Variants in IL1RL2 observed in about 807,000 individuals in gnomAD.
IL1RL2 encodes interleukin-1 receptor-like 2.
Under a neutral mutation model 66.8 loss-of-function variants are expected in IL1RL2, and 68 were observed. The ratio of observed to expected loss-of-function variants is 1.02; its 90% confidence interval spans 0.84 to 1.25. The LOEUF is 1.25. IL1RL2 is among the 50% of genes most tolerant of loss of function. IL1RL2 has a pLI of 0.00. For synonymous variants in IL1RL2, 305 were observed against 264.6 expected, an observed-to-expected ratio of 1.15 and a Z score of -1.48; for missense variants, 729 against 709.3, an observed-to-expected ratio of 1.03 and a Z score of -0.32.
intron 9 of IL1RL2, 119 bp downstream of exon 9, chr2:102,226,160 A>G: frequency 1.3e-6 from 1 of 772,490 alleles, no homozygotes; most frequent in South Asian, 2.7e-5. Flanking sequence ...AGGGAAAGGA[A>G]TCTCCTTGGA....
intron 4 of IL1RL2, among the ~76,000 whole-genome samples, chr2:102,197,869 T>A (rs956279809): frequency 2.0e-5 from 3 of 152,212 alleles, no homozygotes; most frequent in African/African-American, 2.4e-5. Context: ...GCAGGTGGTG[T>A]ATTTCAGAGT....
intron 3 of IL1RL2, 123 bp downstream of exon 3, chr2:102,189,433 C>A: frequency 1.5e-6 from 1 of 649,410 alleles, no homozygotes; most frequent in Non-Finnish European, 2.6e-6. Flanking sequence ...TTTATAATTG[C>A]TACAAGACAA....
At chr2:102,229,984 T>C (rs1690975696) in intron 9 of IL1RL2, among the ~76,000 whole-genome samples, 1 of 152,072 alleles carries the variant, frequency 6.6e-6, no homozygotes, top group Non-Finnish European at 1.5e-5. Context: ...TCAGAAACAG[T>C]AGGAAAAAAG....
In IL1RL2 at chr2:102,225,952, C is replaced by A. The variant is rs1298091088; in HGVS notation, c.1046C>A (p.Ala349Asp). Residue 349 changes from alanine to aspartate, a missense_variant, in exon 9 of 12, where the codon GCT becomes GAT. Transcript: ENST00000264257. The part of the protein sequence containing the change: ...IGGLIALVAV[A>D]VSVVYIYNIF... ...GGGCTTATCGCCTTGGTGGCTGTGGCTGTGTCTGTTGTGTACATATACAAC... is the reference window on the plus strand; with the variant it reads ...GGGCTTATCGCCTTGGTGGCTGTGGATGTGTCTGTTGTGTACATATACAAC... 30 of 1,610,018 alleles carry A rather than the reference C, an allele frequency of 1.9e-5. No homozygotes were observed. The highest frequency in any genetic ancestry group is 2.5e-5 in the Non-Finnish European group (30 of 1,177,878).
rs1339332193 is a variant in IL1RL2 at position 102,187,077 on chromosome 2, C to T, written c.-22C>T. 7.8e-6 allele frequency: 10 copies of T among 1,289,748 alleles called. No homozygotes were observed. The highest frequency in any genetic ancestry group is 4.6e-5 in the Admixed American group (2 of 43,552). The allele number at this position is 1,289,748 out of a possible 1,614,324, so 79.9% of individuals were successfully genotyped here. On this transcript the variant is annotated 5_prime_UTR_variant, in exon 1 of 12. Coordinates refer to ENST00000264257, the MANE Select transcript of IL1RL2 (RefSeq NM_003854.4). ...CCACGAGGTCCTGCGCGCTTCAATCCTGCAGGCAGGTAGACACCGGGCCGG... is the reference window on the plus strand; with the variant it reads ...CCACGAGGTCCTGCGCGCTTCAATCTTGCAGGCAGGTAGACACCGGGCCGG...
intron 1 of IL1RL2, chr2:102,187,417 C>T: frequency 1.8e-6 from 2 of 1,116,626 alleles, no homozygotes; most frequent in East Asian, 6.7e-5. Context: ...TCGGGTGGAT[C>T]CCGAGGACAC....
chr2:102,220,714 C>T (rs1578167418), intron 8 of IL1RL2, among the ~76,000 whole-genome samples: 3 of 144,850 alleles, frequency 2.1e-5, no homozygotes, highest in South Asian at 2.3e-4. Flanking sequence ...TGCACACGCA[C>T]GTGTGTGGCT....
At chr2:102,187,236 C>A in intron 1 of IL1RL2, 150 bp downstream of exon 1, 1 of 1,193,032 alleles carries the variant, frequency 8.4e-7, no homozygotes. Context: ...GCTAGGTGAC[C>A]ATGGGGGAGC....
intron 11 of IL1RL2, among the ~76,000 whole-genome samples, chr2:102,238,171 G>T (rs1483077092): frequency 6.6e-6 from 1 of 152,158 alleles, no homozygotes; most frequent in Non-Finnish European, 1.5e-5. Context: ...GCTGCGAGCG[G>T]AGATTGGACC....
intron 8 of IL1RL2, among the ~76,000 whole-genome samples, chr2:102,222,197 T>A (rs1051056389): frequency 6.6e-6 from 1 of 152,246 alleles, no homozygotes; most frequent in African/African-American, 2.4e-5. Flanking sequence ...ATCACTGATA[T>A]AGCATGTAGC....
Position 102,219,868 on chromosome 2 carries a change from T to C in IL1RL2, c.855-13T>C, listed in dbSNP as rs1396863362. 1.3e-6 allele frequency: 2 copies of C among 1,597,382 alleles called. No homozygotes were observed. The highest frequency in any genetic ancestry group is 1.7e-6 in the Non-Finnish European group (2 of 1,165,740). ...TGACTCATGTATTAATGACTTACTC[T>C]TTTCTTTTATAGAACCCATGTCTCT... On this transcript the variant is annotated splice_polypyrimidine_tract_variant and intron_variant, in intron 7 of 11. Transcript: ENST00000264257.
chr2:102,242,684 A>T (rs1675258789), downstream of IL1RL2, among the ~76,000 whole-genome samples: 1 of 151,866 alleles, frequency 6.6e-6, no homozygotes, highest in African/African-American at 2.4e-5. Context: ...GGGAAGGCTC[A>T]CTGTCTTACT....
intron 11 of IL1RL2, chr2:102,235,858 T>C: frequency 1.0e-6 from 1 of 985,406 alleles, no homozygotes; most frequent in Non-Finnish European, 1.2e-6. Context: ...AGAAGCAAGT[T>C]AAAAGTCACC....
At chr2:102,206,447 C>T (rs936391049) in intron 5 of IL1RL2, among the ~76,000 whole-genome samples, 5 of 152,218 alleles carry the variant, frequency 3.3e-5, no homozygotes, top group African/African-American at 1.2e-4. Flanking sequence ...CTTTAGGGGG[C>T]ACCCTAAGCC....
intron 8 of IL1RL2, among the ~76,000 whole-genome samples, chr2:102,225,625 G>A (rs935454736): frequency 3.9e-5 from 6 of 152,136 alleles, no homozygotes; most frequent in African/African-American, 1.2e-4. Context: ...TCCATGCTGC[G>A]TCTACCACCG....
At chr2:102,230,061 T>A (rs1305049086) in intron 9 of IL1RL2, among the ~76,000 whole-genome samples, 1 of 152,178 alleles carries the variant, frequency 6.6e-6, no homozygotes, top group Non-Finnish European at 1.5e-5. Flanking sequence ...TAAGCCTGCA[T>A]GTCTGCTGTA....
chr2:102,225,457 G>A (rs1690514950), intron 8 of IL1RL2, among the ~76,000 whole-genome samples: 2 of 152,342 alleles, frequency 1.3e-5, no homozygotes, highest in African/African-American at 4.8e-5. Context: ...GAATGGCTGG[G>A]AAAGCAGTTA....
intron 3 of IL1RL2, among the ~76,000 whole-genome samples, chr2:102,191,073 T>TAAA (rs1578085537): frequency 6.6e-6 from 1 of 152,144 alleles, no homozygotes; most frequent in East Asian, 1.9e-4. Flanking sequence ...AAGAATATAT[T>TAAA]TTTACATTTA....
chr2:102,223,894 T>G (rs1690364235), intron 8 of IL1RL2, among the ~76,000 whole-genome samples: 1 of 152,134 alleles, frequency 6.6e-6, no homozygotes, highest in Non-Finnish European at 1.5e-5. Context: ...ATGATTGAAG[T>G]GAGAGGTTCT....
Sources: gnomAD v4.1 joint callset for allele counts (sites outside exome capture counted in the v4.1 genomes callset) on GRCh38, gnomAD v4.1.1 for gene constraint, MANE v1.5 for transcripts, NCBI Gene and HGNC (gene_info 2026-07-23, HGNC 2026-07-21) for gene names.